The following HSD17B6 variants were observed in gnomAD, a reference collection of about 807,000 sequenced individuals.
HSD17B6 encodes the protein hydroxysteroid 17-beta dehydrogenase 6, also known as 17-beta-hydroxysteroid dehydrogenase type 6.
In HSD17B6, 16 loss-of-function variants were observed where a neutral mutation model predicts 26.4. The ratio of observed to expected loss-of-function variants is 0.61; its 90% CI spans 0.41 to 0.92. HSD17B6 has a LOEUF of 0.92. Among genes scored for constraint, HSD17B6 ranks in the 40% least tolerant of loss-of-function variants. The pLI, the probability that HSD17B6 is intolerant of heterozygous loss-of-function variation, is 0.00. For missense variants in HSD17B6, 357 were observed against 386.1 expected (o/e 0.92, Z 0.63); for synonymous variants, 139 against 153.0 (o/e 0.91, Z 0.68).
chr12:56,768,323 A>AGGTGAAGTAGT (rs1476434146), intron 1 of HSD17B6, among the ~76,000 whole-genome samples: 1 of 152,068 alleles, frequency 6.6e-6, no homozygotes, highest in East Asian at 1.9e-4. Context: ...TGGGAATGGA[A>AGGTGAAGTAGT]GGTGAAGTGC....
chr12:56,770,652 G>C (rs190149595), intron 1 of HSD17B6: 1 of 152,036 alleles, frequency 6.6e-6, no homozygotes, highest in Non-Finnish European at 1.5e-5. Flanking sequence ...ACTGGGCCAG[G>C]TGCAGACTAA....
At position 56,782,107 on chromosome 12, in the gene HSD17B6, T is replaced by C; in HGVS notation, c.447T>C (p.Leu149=). Residue 149 remains leucine, a synonymous_variant, in exon 3 of 5, where the codon CTT becomes CTC. Transcript: ENST00000322165. ...TGATCCAGGTGACCTTGAGCATGCT[T>C]CCTTTGGTGAGGAGAGCACGGGGAA... The part of the protein sequence containing the change: ...IGVIQVTLSM[L]PLVRRARGRI... The C allele has an allele frequency of 6.2e-7, 1 of 1,614,182 alleles. No homozygotes were observed. The highest frequency in any genetic ancestry group is 8.5e-7 in the Non-Finnish European group (1 of 1,180,042).
chr12:56,766,727 T>C (rs1592354830), intron 1 of HSD17B6, among the ~76,000 whole-genome samples: 2 of 152,056 alleles, frequency 1.3e-5, no homozygotes, highest in East Asian at 3.9e-4. Context: ...GTGGGGTTAG[T>C]GAGAAAGCTT....
At chr12:56,779,890 G>A (rs1954676122) in intron 2 of HSD17B6, among the ~76,000 whole-genome samples, 1 of 145,716 alleles carries the variant, frequency 6.9e-6, no homozygotes, top group South Asian at 2.2e-4. Context: ...AAGAATTATA[G>A]AAGATGCTGG....
chr12:56,764,682 T>G (rs912850926), intron 1 of HSD17B6, among the ~76,000 whole-genome samples: 3 of 152,232 alleles, frequency 2.0e-5, no homozygotes, highest in African/African-American at 7.2e-5. Context: ...AATAAATCAC[T>G]GAGGTTTCTT....
chr12:56,772,103 G>C (rs1565917151), intron 1 of HSD17B6, among the ~76,000 whole-genome samples: 2 of 152,014 alleles, frequency 1.3e-5, no homozygotes, highest in Non-Finnish European at 2.9e-5. Context: ...CTTTATAGCT[G>C]TGTGAAAACG....
At chr12:56,778,705 C>T (rs1184933973) in intron 2 of HSD17B6, among the ~76,000 whole-genome samples, 3 of 127,372 alleles carry the variant, frequency 2.4e-5, no homozygotes, top group Non-Finnish European at 4.9e-5. Flanking sequence ...GACGGAGTCT[C>T]ACTCAGTCGC....
chr12:56,775,059 T>C (rs1419246456), intron 2 of HSD17B6, among the ~76,000 whole-genome samples: 1 of 152,232 alleles, frequency 6.6e-6, no homozygotes, highest in Non-Finnish European at 1.5e-5. Flanking sequence ...ATTGAATCCA[T>C]GGATATGAAG....
At chr12:56,786,830 C>A (rs1268939220) in intron 4 of HSD17B6, among the ~76,000 whole-genome samples, 1 of 152,002 alleles carries the variant, frequency 6.6e-6, no homozygotes, top group Non-Finnish European at 1.5e-5. Context: ...ACCTGGGTGA[C>A]AGAGCAAGAC....
rs763848308 is a variant in HSD17B6, at chr12:56,774,029, G to A, written c.177G>A (p.Ala59=). The A allele has an allele frequency of 1.2e-4, 201 of 1,614,020 alleles. No individual in the cohort carries two copies. Among genetic ancestry groups the A allele is most frequent in the Middle Eastern group, 4.9e-4 (3 of 6,084 alleles). The part of the protein sequence containing the change: ...LDARGLRVLA[A]CLTEKGAEQL... ...CACGAGGCTTGAGAGTGCTGGCTGC[G>A]TGTCTGACGGAGAAGGGGGCCGAGC... The change falls in exon 2 of 5, where the codon GCG becomes GCA. Residue 59 remains alanine (A), a synonymous_variant. Transcript: ENST00000322165.
At chr12:56,773,765 G>A in intron 1 of HSD17B6, 69 bp from the exon 2 acceptor site, 1 of 1,398,684 alleles carries the variant, frequency 7.1e-7, no homozygotes, top group Non-Finnish European at 9.6e-7. Flanking sequence ...CCTGGCACAT[G>A]GCAAATACTG....
intron 4 of HSD17B6, among the ~76,000 whole-genome samples, chr12:56,786,702 T>G (rs770116473): frequency 6.6e-6 from 1 of 152,038 alleles, no homozygotes; most frequent in Non-Finnish European, 1.5e-5. Context: ...ATAAACAAAA[T>G]TAGCTGGGCA....
Sources: allele counts gnomAD v4.1 joint callset (sites outside exome capture counted in the v4.1 genomes callset), GRCh38; gene constraint gnomAD v4.1.1; transcripts MANE v1.5; gene names NCBI Gene and HGNC (gene_info 2026-07-23, HGNC 2026-07-21).